Variants in EPHB1 observed in about 807,000 individuals in gnomAD.
EPHB1 encodes the protein ephrin type-B receptor 1.
Under a neutral mutation model 94.4 loss-of-function variants are expected in EPHB1, and 30 were observed. That is an observed-to-expected ratio of 0.32 (90% CI 0.24 to 0.43). The LOEUF is 0.43. EPHB1 is among the 20% of genes least tolerant of loss of function. The pLI is 1.00. For synonymous variants in EPHB1, 522 were observed against 489.1 expected (o/e 1.07, Z -0.89); for missense variants, 1,055 against 1,308.3 (o/e 0.81, Z 2.99).
rs554876370 is a variant in EPHB1 at position 135,005,668 on chromosome 3, T to C, written c.805+53616T>C. ...CGGGATATAATCTCCTGGTGCGCTG[T>C]TTTTTAAGCCCGTCGGAAAAGCGCA... On this transcript the variant is annotated intron_variant, in intron 3 of 15. Coordinates refer to ENST00000398015, the MANE Select transcript of EPHB1 (RefSeq NM_004441.5). 2.6e-5 allele frequency among the ~76,000 whole-genome samples: 4 copies of C among 152,348 alleles called. No homozygotes were observed. The East Asian group carries it at 5.8e-4, about 22-fold the overall frequency.
chr3:135,246,171 T>TTCCAG (rs1943918758), intron 13 of EPHB1, among the ~76,000 whole-genome samples: 1 of 152,080 alleles, frequency 6.6e-6, no homozygotes, highest in South Asian at 2.1e-4. Context: ...ACTGGAAGAC[T>TTCCAG]TTGGGGACCC....
Position 135,259,067 on chromosome 3 carries a change from A to C in EPHB1, c.2902A>C (p.Ser968Arg). ...LAGHQKKILNSIHSMRVQISQ... is the reference protein window; with the variant it reads ...LAGHQKKILNRIHSMRVQISQ... Reference sequence around the variant, plus strand: ...AGGCCATCAGAAGAAGATCCTGAACAGCATTCATTCTATGAGGGTCCAGAT... The same window carrying C: ...AGGCCATCAGAAGAAGATCCTGAACCGCATTCATTCTATGAGGGTCCAGAT... Residue 968 changes from serine to arginine, a missense_variant, in exon 16 of 16, where the codon AGC becomes CGC. By Grantham distance (110) the Ser-to-Arg change is moderately radical. Coordinates refer to ENST00000398015, the MANE Select transcript of EPHB1 (RefSeq NM_004441.5). The C allele has an allele frequency of 6.2e-7, 1 of 1,611,138 alleles. No homozygotes were observed. Among genetic ancestry groups the C allele is most frequent in the Non-Finnish European group, 8.5e-7 (1 of 1,178,852 alleles).
In EPHB1 at chr3:135,154,156, C is replaced by A; in HGVS notation, c.1302C>A (p.Pro434=). Residue 434 remains proline (P), a synonymous_variant, in exon 6 of 16, where the codon CCC becomes CCA. Coordinates refer to ENST00000398015, the MANE Select transcript of EPHB1 (RefSeq NM_004441.5). ...SVNITTNQAA[P]STVPIMHQVS... Reference sequence around the variant, plus strand: ...TGTTTCTTTCTCTCTCCACAGCCCCCTCCACCGTTCCCATCATGCACCAAG... The same window carrying A: ...TGTTTCTTTCTCTCTCCACAGCCCCATCCACCGTTCCCATCATGCACCAAG... 1 of 1,613,990 alleles carries A rather than the reference C, an allele frequency of 6.2e-7. No homozygotes were observed. The highest frequency in any genetic ancestry group is 1.1e-5 in the South Asian group (1 of 91,080).
intron 1 of EPHB1, among the ~76,000 whole-genome samples, chr3:134,904,692 A>G (rs1468224834): frequency 6.6e-6 from 1 of 152,210 alleles, no homozygotes; most frequent in East Asian, 1.9e-4. Flanking sequence ...CTTGGAGATC[A>G]CGAGTATGGG....
intron 6 of EPHB1, among the ~76,000 whole-genome samples, chr3:135,159,344 C>T (rs538196172): frequency 1.3e-5 from 2 of 152,324 alleles, no homozygotes; most frequent in East Asian, 3.9e-4. Flanking sequence ...AATGTTTGGT[C>T]CTCACAATCC....
chr3:135,054,040 T>TACACACACAC (rs1553727022), intron 3 of EPHB1, among the ~76,000 whole-genome samples: 16 of 139,812 alleles, frequency 1.1e-4, no homozygotes, highest in South Asian at 2.4e-4. Flanking sequence ...TATATATATA[T>TACACACACAC]ACACACACAC....
intron 5 of EPHB1, among the ~76,000 whole-genome samples, chr3:135,141,023 T>C (rs1294840003): frequency 1.3e-5 from 2 of 152,202 alleles, no homozygotes; most frequent in Non-Finnish European, 2.9e-5. Flanking sequence ...CAGTGCAAGG[T>C]AAACTCTTTG....
intron 12 of EPHB1, among the ~76,000 whole-genome samples, chr3:135,216,184 C>T (rs114771232): frequency 0.017 from 2,590 of 152,196 alleles, 46 homozygotes; most frequent in Non-Finnish European, 0.021. Context: ...GAGGAGACAG[C>T]GAGGGCACAG....
intron 4 of EPHB1, among the ~76,000 whole-genome samples, chr3:135,112,249 G>A (rs1187916916): frequency 6.6e-6 from 1 of 152,180 alleles, no homozygotes; most frequent in Non-Finnish European, 1.5e-5. Context: ...CAGACCAAGA[G>A]GAAAACTCTG....
chr3:134,895,407 A>T (rs2038069035), intron 1 of EPHB1, among the ~76,000 whole-genome samples: 1 of 152,200 alleles, frequency 6.6e-6, no homozygotes, highest in African/African-American at 2.4e-5. Context: ...AGTGTGTAGG[A>T]GAGTGAGTGG....
chr3:135,003,069 C>A (rs1445487612), intron 3 of EPHB1, among the ~76,000 whole-genome samples: 5 of 151,960 alleles, frequency 3.3e-5, no homozygotes, highest in Admixed American at 1.3e-4. Context: ...AATTTTTGAT[C>A]TCTCCTGCTT....
intron 1 of EPHB1, among the ~76,000 whole-genome samples, chr3:134,811,316 G>A (rs772651309): frequency 1.6e-5 from 2 of 127,992 alleles, no homozygotes; most frequent in Non-Finnish European, 3.1e-5. Context: ...TCAGCTCACC[G>A]CAAACTCTGC....
At chr3:135,041,600 A>C (rs949100334) in intron 3 of EPHB1, among the ~76,000 whole-genome samples, 4 of 152,204 alleles carry the variant, frequency 2.6e-5, no homozygotes, top group Non-Finnish European at 5.9e-5. Flanking sequence ...TGAGACCCCA[A>C]ATAGGATAGG....
chr3:135,067,958 T>G (rs952393095), intron 3 of EPHB1: 2 of 152,208 alleles, frequency 1.3e-5, no homozygotes, highest in Admixed American at 1.3e-4. Flanking sequence ...ACCTTCAGTT[T>G]CCCCAGTAGT....
chr3:134,957,851 T>C (rs992966153), intron 3 of EPHB1, among the ~76,000 whole-genome samples: 1 of 152,200 alleles, frequency 6.6e-6, no homozygotes, highest in African/African-American at 2.4e-5. Context: ...GGAATCTGTG[T>C]AGGTTTTCCA....
intron 1 of EPHB1, among the ~76,000 whole-genome samples, chr3:134,866,602 C>T (rs1390018503): frequency 6.6e-6 from 1 of 152,190 alleles, no homozygotes; most frequent in African/African-American, 2.4e-5. Flanking sequence ...CTGTCCACTC[C>T]AAAGCCCTTG....
intron 3 of EPHB1, among the ~76,000 whole-genome samples, chr3:135,005,105 CT>C: frequency 6.6e-6 from 1 of 152,120 alleles, no homozygotes; most frequent in Non-Finnish European, 1.5e-5. Context: ...CACTTTTGGT[CT>C]TTGATGATGG....
intron 1 of EPHB1, among the ~76,000 whole-genome samples, chr3:134,901,011 T>C (rs1461803689): frequency 6.6e-6 from 1 of 152,164 alleles, no homozygotes; most frequent in Non-Finnish European, 1.5e-5. Flanking sequence ...ATTCATACAG[T>C]ACCTAATTTA....
chr3:135,038,809 G>C (rs11921213), intron 3 of EPHB1, among the ~76,000 whole-genome samples: 1 of 151,976 alleles, frequency 6.6e-6, no homozygotes, highest in African/African-American at 2.4e-5. Flanking sequence ...ATTGCAAAGA[G>C]CGAAAGAACA....
Sources: gnomAD v4.1 joint callset for allele counts (sites outside exome capture counted in the v4.1 genomes callset) on GRCh38, gnomAD v4.1.1 for gene constraint, MANE v1.5 for transcripts, NCBI Gene and HGNC (gene_info 2026-07-23, HGNC 2026-07-21) for gene names.